FBXO42: variants seen among roughly 807,000 people sequenced by gnomAD.
The protein encoded by FBXO42 is F-box only protein 42.
FBXO42 carries 12 observed loss-of-function variants against 71.7 expected under a neutral mutation model. The ratio of observed to expected loss-of-function variants is 0.17; its 90% CI spans 0.11 to 0.27. The LOEUF is 0.27. FBXO42 is among the 10% of genes least tolerant of loss of function. The pLI, the probability that FBXO42 is intolerant of heterozygous loss-of-function variation, is 1.00. For synonymous variants in FBXO42, 325 were observed against 327.5 expected (o/e 0.99, Z 0.08); for missense variants, 707 against 911.9 (o/e 0.78, Z 2.89).
chr1:16,305,748 T>C, intron 3 of FBXO42, 55 bp downstream of exon 3: 1 of 1,458,818 alleles, frequency 6.9e-7, no homozygotes. Context: ...CCAAACAAGT[T>C]TCTGGAAATA....
intron 4 of FBXO42, among the ~76,000 whole-genome samples, chr1:16,257,744 A>G (rs1184215716): frequency 6.6e-6 from 1 of 152,056 alleles, no homozygotes; most frequent in East Asian, 1.9e-4. Context: ...GCAATGATGC[A>G]ATCTCGGCTC....
intron 4 of FBXO42, among the ~76,000 whole-genome samples, chr1:16,281,128 A>C (rs2081959132): frequency 6.6e-6 from 1 of 151,866 alleles, no homozygotes; most frequent in South Asian, 2.1e-4. Flanking sequence ...ACACCTGGCT[A>C]ATTTTGTATT....
chr1:16,298,422 A>G (rs1373223688), intron 3 of FBXO42, among the ~76,000 whole-genome samples: 1 of 152,198 alleles, frequency 6.6e-6, no homozygotes, highest in Non-Finnish European at 1.5e-5. Flanking sequence ...AAATGAGCCA[A>G]CTGGTACCAG....
intron 5 of FBXO42, among the ~76,000 whole-genome samples, chr1:16,256,044 T>C (rs2081640176): frequency 6.6e-6 from 1 of 152,178 alleles, no homozygotes; most frequent in Non-Finnish European, 1.5e-5. Context: ...GGGAGAGAGA[T>C]GAGAAAACGA....
Position 16,255,927 on chromosome 1 carries a change from G to C in FBXO42, c.657-106C>G. ...AATGATAATCCTATCACTTTCAGCAGAGATTTGTTGGGATAATAAGTAGAG... is the reference window on the plus strand; with the variant it reads ...AATGATAATCCTATCACTTTCAGCACAGATTTGTTGGGATAATAAGTAGAG... On this transcript the variant is annotated intron_variant, in intron 5 of 9. Coordinates refer to ENST00000375592, the MANE Select transcript of FBXO42 (RefSeq NM_018994.3). The C allele has an allele frequency of 3.9e-6, 3 of 767,010 alleles. No individual in the cohort carries two copies. The South Asian group carries it at 5.6e-5, about 14-fold the overall frequency. The allele number at this position is 767,010 out of a possible 1,614,324, so 47.5% of individuals were successfully genotyped here. A position where few individuals can be genotyped will look rare whatever the true frequency, so the allele number is the denominator to read the frequency against.
In FBXO42 at chr1:16,251,773, C is replaced by T. The variant is rs746600482; in HGVS notation, c.1051G>A (p.Val351Met). ...CHPACRVGQC[V>M]VVFSQAPSGR... ...CTAGGAGCCTGGCTGAAGACCACCA[C>T]ACACTGTCCCACCTGGAAGACAAAG... The change falls in exon 10 of 10, where the codon GTG (valine) becomes ATG (methionine). Residue 351 changes from valine (V) to methionine (M), a missense_variant. Physicochemically the swap from Val to Met is conservative, Grantham distance 21. Transcript: ENST00000375592. The surrounding 1 kb of genome is among the most constrained non-coding windows in gnomAD (Gnocchi z 4.5). 2 of 1,612,914 alleles carry T rather than the reference C, an allele frequency of 1.2e-6. No individual in the cohort carries two copies. The highest frequency in any genetic ancestry group is 1.3e-5 in the African/African-American group (1 of 74,910).
chr1:16,346,454 C>T (rs947070143), intron 1 of FBXO42, among the ~76,000 whole-genome samples: 3 of 151,784 alleles, frequency 2.0e-5, no homozygotes, highest in South Asian at 2.1e-4. Context: ...TTTGGGAGTC[C>T]GAGGCGGGCG....
intron 3 of FBXO42, among the ~76,000 whole-genome samples, chr1:16,303,633 TCTCGA>T (rs1424917130): frequency 6.6e-6 from 1 of 151,932 alleles, no homozygotes; most frequent in Non-Finnish European, 1.5e-5. Context: ...AGTGGCATGA[TCTCGA>T]CTCACTGCAA....
At chr1:16,328,887 G>A (rs962024768) in intron 1 of FBXO42, among the ~76,000 whole-genome samples, 50 of 152,118 alleles carry the variant, frequency 3.3e-4, no homozygotes, top group East Asian at 5.8e-4. Flanking sequence ...GGGATTGGCC[G>A]GGTGCGGTGG....
chr1:16,345,756 G>A (rs373231902), intron 1 of FBXO42, among the ~76,000 whole-genome samples: 6 of 151,228 alleles, frequency 4.0e-5, no homozygotes, highest in African/African-American at 1.5e-4. Context: ...GCTGAGGCAG[G>A]AGAATGGCAT....
chr1:16,300,779 G>A (rs928369646), intron 3 of FBXO42, among the ~76,000 whole-genome samples: 3 of 151,902 alleles, frequency 2.0e-5, no homozygotes, highest in Non-Finnish European at 1.5e-5. Flanking sequence ...ATTTTTCAAT[G>A]CATGATGTTG....
intron 4 of FBXO42, among the ~76,000 whole-genome samples, chr1:16,289,760 C>A (rs2082059507): frequency 6.6e-6 from 1 of 152,090 alleles, no homozygotes; most frequent in South Asian, 2.1e-4. Context: ...TAGTGAGACC[C>A]CATCTCTACA....
chr1:16,265,498 A>G (rs911301298), intron 4 of FBXO42, among the ~76,000 whole-genome samples: 2 of 152,164 alleles, frequency 1.3e-5, no homozygotes, highest in African/African-American at 4.8e-5. Context: ...CTAACTACTG[A>G]GTGCTACAAA....
intron 1 of FBXO42, among the ~76,000 whole-genome samples, chr1:16,338,103 C>A (rs1273252010): frequency 6.7e-6 from 1 of 150,014 alleles, no homozygotes; most frequent in Non-Finnish European, 1.5e-5. Flanking sequence ...ACTAAAAATA[C>A]AAAAAATTAG....
intron 1 of FBXO42, among the ~76,000 whole-genome samples, chr1:16,343,179 C>A (rs1418209214): frequency 6.6e-6 from 1 of 152,146 alleles, no homozygotes; most frequent in African/African-American, 2.4e-5. Flanking sequence ...TATTAAATTT[C>A]CTCTTTGAAA....
intron 1 of FBXO42, among the ~76,000 whole-genome samples, chr1:16,345,948 A>C (rs2082651491): frequency 6.6e-6 from 1 of 152,188 alleles, no homozygotes; most frequent in Non-Finnish European, 1.5e-5. Context: ...GCTTGTTGTG[A>C]CAAAAAATAA....
intron 1 of FBXO42, among the ~76,000 whole-genome samples, chr1:16,343,867 T>C (rs972293649): frequency 2.0e-5 from 3 of 150,386 alleles, no homozygotes; most frequent in Non-Finnish European, 4.4e-5. Flanking sequence ...TAGTTCTAGC[T>C]ACTCGGGAGG....
Position 16,250,963 on chromosome 1 carries a change from G to A in FBXO42, c.1861C>T (p.Leu621=). Residue 621 remains leucine, a synonymous_variant, in exon 10 of 10, where the codon CTG becomes TTG. Coordinates refer to ENST00000375592, the MANE Select transcript of FBXO42 (RefSeq NM_018994.3). This position sits in a 1 kb window ranked among gnomAD's most constrained non-coding sequence, Gnocchi z 4.7. The part of the protein sequence containing the change: ...GHSLPPIARR[L]GHHPPQSLNV... ...AGGGACTGTGGAGGGTGGTGGCCCA[G>A]GCGGCGAGCAATGGGAGGTAAGGAA... 1 of 1,614,204 alleles carries A rather than the reference G, an allele frequency of 6.2e-7. No individual in the cohort carries two copies. Among genetic ancestry groups the A allele is most frequent in the South Asian group, 1.1e-5 (1 of 91,092 alleles).
chr1:16,341,609 TAAA>T (rs34904915), intron 1 of FBXO42, among the ~76,000 whole-genome samples: 1,289 of 113,262 alleles, frequency 0.011, 27 homozygotes, highest in African/African-American at 0.041. Context: ...CTGCGTCTTT[TAAA>T]AAAAAAAAAA....
Sources: gnomAD v4.1 joint callset for allele counts (sites outside exome capture counted in the v4.1 genomes callset) on GRCh38, gnomAD v4.1.1 for gene constraint, Gnocchi (gnomAD v3.1) non-coding constraint, MANE v1.5 for transcripts, NCBI Gene and HGNC (gene_info 2026-07-23, HGNC 2026-07-21) for gene names.